Variants in CACNA2D3 observed in about 807,000 individuals in gnomAD.
CACNA2D3 encodes the protein calcium voltage-gated channel auxiliary subunit alpha2delta 3.
CACNA2D3 carries 60 observed loss-of-function variants against 160.6 expected under a neutral mutation model. The ratio of observed to expected loss-of-function variants is 0.37; its 90% CI spans 0.30 to 0.46. CACNA2D3 has a LOEUF of 0.46. CACNA2D3 is among the 20% of genes least tolerant of loss of function. The pLI is 1.00. For synonymous variants in CACNA2D3, 558 were observed against 492.9 expected (o/e 1.13, Z -1.75); for missense variants, 1,205 against 1,365.0 (o/e 0.88, Z 1.85).
intron 27 of CACNA2D3, among the ~76,000 whole-genome samples, chr3:54,926,194 A>T (rs1701011029): frequency 1.3e-5 from 2 of 152,150 alleles, no homozygotes; most frequent in African/African-American, 4.8e-5. Flanking sequence ...AAAATCTCAA[A>T]TAAACATATA....
chr3:54,909,163 T>C (rs1277475000), intron 27 of CACNA2D3, among the ~76,000 whole-genome samples: 2 of 152,200 alleles, frequency 1.3e-5, no homozygotes, highest in Non-Finnish European at 2.9e-5. Flanking sequence ...GATCCTAAGC[T>C]TTCTAAAAAT....
At chr3:54,750,138 A>G (rs761732890) in intron 11 of CACNA2D3, among the ~76,000 whole-genome samples, 12 of 152,244 alleles carry the variant, frequency 7.9e-5, no homozygotes, top group Admixed American at 3.9e-4. Flanking sequence ...GGTGATTCAC[A>G]GTATTGTTCT....
At chr3:55,049,615 A>G (rs1433577360) in intron 35 of CACNA2D3, among the ~76,000 whole-genome samples, 1 of 148,938 alleles carries the variant, frequency 6.7e-6, no homozygotes, top group Non-Finnish European at 1.5e-5. Flanking sequence ...GATGTCTACT[A>G]GGTCCGCTTG....
At chr3:54,402,766 C>T (rs897478561) in intron 4 of CACNA2D3, among the ~76,000 whole-genome samples, 6 of 152,082 alleles carry the variant, frequency 3.9e-5, no homozygotes, top group East Asian at 1.9e-4. Flanking sequence ...AACTGCACTT[C>T]AGAAAAAAAT....
At chr3:54,666,938 T>C (rs1175697196) in intron 11 of CACNA2D3, among the ~76,000 whole-genome samples, 1 of 152,208 alleles carries the variant, frequency 6.6e-6, no homozygotes, top group Non-Finnish European at 1.5e-5. Context: ...GGTGGATGGC[T>C]GCTGAATTCT....
intron 11 of CACNA2D3, among the ~76,000 whole-genome samples, chr3:54,700,970 CAA>C (rs1452655175): frequency 6.6e-6 from 1 of 152,182 alleles, no homozygotes; most frequent in Non-Finnish European, 1.5e-5. Context: ...AGCATATTCT[CAA>C]AAAGTAAGAG....
intron 6 of CACNA2D3, among the ~76,000 whole-genome samples, chr3:54,566,621 G>A (rs1241711029): frequency 5.9e-5 from 9 of 152,158 alleles, no homozygotes; most frequent in African/African-American, 2.2e-4. Flanking sequence ...ACAGGTCACT[G>A]TCTAATCAAA....
At chr3:54,183,560 C>T (rs143078874) in intron 2 of CACNA2D3, among the ~76,000 whole-genome samples, 5 of 152,052 alleles carry the variant, frequency 3.3e-5, no homozygotes, top group African/African-American at 7.2e-5. Context: ...ATTGTGTTCT[C>T]TCAATTTCTA....
At chr3:54,815,249 C>A (rs1356752559) in intron 13 of CACNA2D3, among the ~76,000 whole-genome samples, 1 of 152,082 alleles carries the variant, frequency 6.6e-6, no homozygotes, top group Non-Finnish European at 1.5e-5. Flanking sequence ...AATTGGGAGA[C>A]CCGTATAAGA....
chr3:54,354,999 A>G (rs1698624712), intron 3 of CACNA2D3, among the ~76,000 whole-genome samples: 1 of 152,238 alleles, frequency 6.6e-6, no homozygotes, highest in East Asian at 1.9e-4. Context: ...TGTCCTGTTT[A>G]TACATCTGGG....
intron 9 of CACNA2D3, among the ~76,000 whole-genome samples, chr3:54,618,559 A>G (rs1386217439): frequency 1.3e-5 from 2 of 152,100 alleles, no homozygotes; most frequent in Admixed American, 6.6e-5. Context: ...AGTTTTATAA[A>G]ACGCTACAAA....
intron 8 of CACNA2D3, among the ~76,000 whole-genome samples, chr3:54,575,206 C>A (rs1459196922): frequency 6.6e-6 from 1 of 152,174 alleles, no homozygotes; most frequent in Non-Finnish European, 1.5e-5. Context: ...CAAAAGTGCA[C>A]CAGTAAAACT....
chr3:54,866,485 A>C (rs1432452925), intron 17 of CACNA2D3, among the ~76,000 whole-genome samples: 1 of 152,116 alleles, frequency 6.6e-6, no homozygotes, highest in African/African-American at 2.4e-5. Flanking sequence ...TCCAGATGGC[A>C]TTAGCTTTGG....
chr3:54,678,177 A>G (rs561054618), intron 11 of CACNA2D3, among the ~76,000 whole-genome samples: 3 of 152,290 alleles, frequency 2.0e-5, no homozygotes, highest in African/African-American at 7.2e-5. Flanking sequence ...CCTCTATTTT[A>G]GACAGACCTT....
At chr3:54,200,225 C>G (rs1243148287) in intron 2 of CACNA2D3, among the ~76,000 whole-genome samples, 1 of 152,156 alleles carries the variant, frequency 6.6e-6, no homozygotes, top group Admixed American at 6.5e-5. Context: ...AGGAGGTTGC[C>G]CCTGGTTACA....
intron 2 of CACNA2D3, among the ~76,000 whole-genome samples, chr3:54,271,744 T>C (rs1165658649): frequency 6.6e-6 from 1 of 152,200 alleles, no homozygotes; most frequent in Non-Finnish European, 1.5e-5. Context: ...AGGACCTACA[T>C]AGAGCCAAGG....
intron 14 of CACNA2D3, among the ~76,000 whole-genome samples, chr3:54,832,471 G>A (rs1467207481): frequency 6.6e-6 from 1 of 152,168 alleles, no homozygotes; most frequent in African/African-American, 2.4e-5. Flanking sequence ...TTTACAAGAT[G>A]TCTACCCCTG....
intron 27 of CACNA2D3, among the ~76,000 whole-genome samples, chr3:54,920,533 G>A (rs1700813717): frequency 1.3e-5 from 2 of 152,132 alleles, no homozygotes; most frequent in South Asian, 4.1e-4. Context: ...ATTTTCCTGA[G>A]GCCAGAGGTT....
chr3:54,274,330 C>T (rs1244675075), intron 2 of CACNA2D3, among the ~76,000 whole-genome samples: 1 of 151,884 alleles, frequency 6.6e-6, no homozygotes, highest in East Asian at 1.9e-4. Context: ...TTTCTTCTTT[C>T]TTTCTTTTTC....
Sources: gnomAD v4.1 joint callset for allele counts (sites outside exome capture counted in the v4.1 genomes callset) on GRCh38, gnomAD v4.1.1 for gene constraint, MANE v1.5 for transcripts, NCBI Gene and HGNC (gene_info 2026-07-23, HGNC 2026-07-21) for gene names.